DLG2: variants seen among roughly 807,000 people sequenced by gnomAD.
The protein encoded by DLG2 is discs large MAGUK scaffold protein 2, also known as disks large homolog 2.
A neutral mutation model predicts 132.5 loss-of-function variants in DLG2; 45 were observed. That is an observed-to-expected ratio of 0.34 (90% confidence interval 0.27 to 0.44). DLG2 has a LOEUF of 0.44. Among genes scored for constraint, DLG2 ranks in the 20% least tolerant of loss-of-function variants. The pLI, the probability that DLG2 is intolerant of heterozygous loss-of-function variation, is 1.00. For missense variants in DLG2, 1,045 were observed against 1,196.9 expected, an observed-to-expected ratio of 0.87 and a Z score of 1.87; for synonymous variants, 424 against 419.6, an observed-to-expected ratio of 1.01 and a Z score of -0.13.
At chr11:84,834,663 C>A (rs569335996) in intron 6 of DLG2, among the ~76,000 whole-genome samples, 24 of 151,426 alleles carry the variant, frequency 1.6e-4, no homozygotes, top group Middle Eastern at 6.8e-3. Context: ...TCTTTTTTAT[C>A]ATGAGGTGCA....
At chr11:84,700,606 T>A (rs2059121819) in intron 6 of DLG2, among the ~76,000 whole-genome samples, 1 of 151,632 alleles carries the variant, frequency 6.6e-6, no homozygotes. Flanking sequence ...TATTCCTTCA[T>A]CTCACATATT....
At chr11:84,214,883 G>A (rs796242251) in intron 8 of DLG2, among the ~76,000 whole-genome samples, 8 of 152,222 alleles carry the variant, frequency 5.3e-5, no homozygotes, top group African/African-American at 1.9e-4. Flanking sequence ...GATTAAGTAG[G>A]AAAAGGTATA....
At position 83,616,225 on chromosome 11, in the gene DLG2, T is replaced by C. The variant is rs192121746; in HGVS notation, c.1940+16986A>G. On this transcript the variant is annotated intron_variant, in intron 19 of 27. Transcript: ENST00000376104. ...TGCACATCCCTGTATATATTTTTGT[T>C]GAACACATGTACTCATTACTATTGG... 3.3e-3 allele frequency among the ~76,000 whole-genome samples: 499 copies of C among 152,324 alleles called. 2 individuals are homozygous for C. The highest frequency in any genetic ancestry group is 0.012 in the Admixed American group (182 of 15,294).
intron 7 of DLG2, among the ~76,000 whole-genome samples, chr11:84,471,695 A>G (rs1490375610): frequency 6.6e-6 from 1 of 151,766 alleles, no homozygotes; most frequent in African/African-American, 2.4e-5. Flanking sequence ...TCATCTGCTG[A>G]TGACTTTGTT....
intron 17 of DLG2, among the ~76,000 whole-genome samples, chr11:83,787,483 G>A (rs1441662716): frequency 2.0e-5 from 3 of 151,542 alleles, no homozygotes; most frequent in Non-Finnish European, 4.4e-5. Context: ...CACCACGCCC[G>A]GCTAATTTTT....
At chr11:83,622,169 C>T (rs2061733185) in intron 19 of DLG2, among the ~76,000 whole-genome samples, 1 of 152,152 alleles carries the variant, frequency 6.6e-6, no homozygotes, top group South Asian at 2.1e-4. Context: ...CTCAAGTTAT[C>T]TGCCCACCCC....
chr11:84,185,869 T>C (rs1262179125), intron 8 of DLG2, among the ~76,000 whole-genome samples: 1 of 152,176 alleles, frequency 6.6e-6, no homozygotes, highest in Non-Finnish European at 1.5e-5. Context: ...TAAAAACAAA[T>C]TCAGTCTTTT....
chr11:84,852,407 C>A (rs369720372), intron 6 of DLG2, among the ~76,000 whole-genome samples: 29 of 151,998 alleles, frequency 1.9e-4, no homozygotes, highest in East Asian at 1.7e-3. Context: ...AACTCACATG[C>A]TAACACCAGC....
intron 6 of DLG2, among the ~76,000 whole-genome samples, chr11:84,848,416 C>T (rs918173937): frequency 1.3e-5 from 2 of 152,100 alleles, no homozygotes; most frequent in Non-Finnish European, 2.9e-5. Flanking sequence ...ATCACTTGAA[C>T]CCAAGAGGCG....
rs117494681 is a variant in DLG2, at chr11:84,985,339, C to A, written c.357+126322G>T. Among the ~76,000 whole-genome samples, 14 of 151,942 alleles carry A rather than the reference C, an allele frequency of 9.2e-5. 1 individual carries two copies. The highest frequency in any genetic ancestry group is 1.0e-4 in the Non-Finnish European group (7 of 67,984). On this transcript the variant is annotated intron_variant, in intron 6 of 27. Coordinates refer to ENST00000376104, the MANE Select transcript of DLG2 (RefSeq NM_001142699.3). The stretch of plus-strand genomic sequence containing the variant: ...TACCAAAGGAACCCTCAAAACCATG[C>A]GAATACATGGAAATTAAATAACCTG...
intron 6 of DLG2, among the ~76,000 whole-genome samples, chr11:84,689,659 C>T (rs751191308): frequency 1.1e-4 from 17 of 152,056 alleles, no homozygotes; most frequent in Non-Finnish European, 2.1e-4. Context: ...TTTGACAATT[C>T]TCCAGGTACA....
intron 3 of DLG2, among the ~76,000 whole-genome samples, chr11:85,569,710 A>G (rs982294820): frequency 3.9e-5 from 6 of 152,166 alleles, no homozygotes; most frequent in African/African-American, 1.4e-4. Flanking sequence ...CTAAAAAGTC[A>G]AAAAACAACA....
chr11:83,576,597 A>G (rs944492747), intron 19 of DLG2, among the ~76,000 whole-genome samples: 1 of 152,222 alleles, frequency 6.6e-6, no homozygotes, highest in Non-Finnish European at 1.5e-5. Flanking sequence ...CTCATCAGAA[A>G]CAACATGGGT....
intron 4 of DLG2, among the ~76,000 whole-genome samples, chr11:85,227,008 C>G (rs1338740732): frequency 1.3e-5 from 2 of 152,102 alleles, no homozygotes; most frequent in African/African-American, 4.8e-5. Context: ...TCTCAAGCTG[C>G]TGCAAAAGAC....
intron 6 of DLG2, among the ~76,000 whole-genome samples, chr11:84,896,934 T>G (rs917024166): frequency 6.6e-6 from 1 of 151,830 alleles, no homozygotes. Context: ...ATTGGGGGTT[T>G]TGAGCATATC....
intron 3 of DLG2, among the ~76,000 whole-genome samples, chr11:85,463,324 A>G (rs72953907): frequency 0.028 from 4,323 of 152,304 alleles, 101 homozygotes; most frequent in East Asian, 0.096. Context: ...GCAATACTGT[A>G]TTTTTCTTGA....
chr11:85,503,678 T>C (rs945329942), intron 3 of DLG2, among the ~76,000 whole-genome samples: 4 of 152,030 alleles, frequency 2.6e-5, no homozygotes, highest in Non-Finnish European at 5.9e-5. Flanking sequence ...ATGCCTGTAA[T>C]CCCAACACCT....
At chr11:85,097,013 G>C (rs1305317705) in intron 6 of DLG2, among the ~76,000 whole-genome samples, 1 of 152,086 alleles carries the variant, frequency 6.6e-6, no homozygotes, top group East Asian at 1.9e-4. Flanking sequence ...GATTGACCCT[G>C]CGGCCATGAG....
intron 9 of DLG2, among the ~76,000 whole-genome samples, chr11:84,135,441 G>T (rs1422118134): frequency 1.3e-5 from 2 of 152,078 alleles, no homozygotes; most frequent in Non-Finnish European, 2.9e-5. Context: ...CTGGACAGGG[G>T]TCAGTAAATC....
Sources: gnomAD v4.1 joint callset for allele counts (sites outside exome capture counted in the v4.1 genomes callset) on GRCh38, gnomAD v4.1.1 for gene constraint, MANE v1.5 for transcripts, NCBI Gene and HGNC (gene_info 2026-07-23, HGNC 2026-07-21) for gene names.